The following GPHN variants were observed in gnomAD, a reference collection of about 807,000 sequenced individuals.
GPHN encodes the protein gephyrin.
A neutral mutation model predicts 95.5 loss-of-function variants in GPHN; 17 were observed. That is an observed-to-expected ratio of 0.18 (90% CI 0.12 to 0.27). The LOEUF (loss-of-function observed/expected upper bound fraction) is 0.27, where lower values mean the gene tolerates loss of function less well. Among genes scored for constraint, GPHN ranks in the 10% least tolerant of loss-of-function variants. The probability of loss-of-function intolerance (pLI) is 1.00; values close to 1 mark genes in which losing one functional copy is unlikely to be tolerated. For missense variants in GPHN, 660 were observed against 978.1 expected, an observed-to-expected ratio of 0.67 and a Z score of 4.34; for synonymous variants, 320 against 322.5, an observed-to-expected ratio of 0.99 and a Z score of 0.08.
At chr14:66,715,381 A>C (rs1208646459) in intron 2 of GPHN, among the ~76,000 whole-genome samples, 1 of 152,090 alleles carries the variant, frequency 6.6e-6, no homozygotes, top group East Asian at 1.9e-4. Flanking sequence ...TTTCTTGGTT[A>C]ATCTTGCTAA....
chr14:66,779,632 A>T (rs2059533704), intron 3 of GPHN, among the ~76,000 whole-genome samples: 1 of 152,118 alleles, frequency 6.6e-6, no homozygotes, highest in Admixed American at 6.6e-5. Context: ...GAAAAAGTAA[A>T]TCAGCAAAGT....
At chr14:66,668,367 CAT>C (rs1214858815) in intron 1 of GPHN, among the ~76,000 whole-genome samples, 1 of 152,090 alleles carries the variant, frequency 6.6e-6, no homozygotes, top group African/African-American at 2.4e-5. Flanking sequence ...CAATAGCAAA[CAT>C]ATGGAATCAA....
intron 2 of GPHN, among the ~76,000 whole-genome samples, chr14:66,686,680 A>G (rs936304164): frequency 4.6e-5 from 7 of 152,230 alleles, no homozygotes; most frequent in Non-Finnish European, 7.3e-5. Context: ...TAAATACACA[A>G]TCATGTCATG....
chr14:67,544,866 G>A, the GPHN span, among the ~76,000 whole-genome samples: 6 of 152,218 alleles, frequency 3.9e-5, no homozygotes, highest in African/African-American at 1.4e-4. Context: ...AGACCTGGAT[G>A]TTAGAATGAC....
chr14:67,406,051 G>C, the GPHN span, among the ~76,000 whole-genome samples: 1 of 152,134 alleles, frequency 6.6e-6, no homozygotes, highest in African/African-American at 2.4e-5. Context: ...TTAAAGTCAA[G>C]AGTTTGAGAC....
the GPHN span, among the ~76,000 whole-genome samples, chr14:67,622,012 G>T: frequency 1.3e-5 from 2 of 152,090 alleles, no homozygotes; most frequent in African/African-American, 2.4e-5. Flanking sequence ...CAGAAGAATT[G>T]CTTGAACCTG....
chr14:67,328,243 C>T, the GPHN span, among the ~76,000 whole-genome samples: 37 of 152,308 alleles, frequency 2.4e-4, no homozygotes, highest in South Asian at 6.2e-4. Flanking sequence ...TGATGATGAG[C>T]ATTTTTTCAT....
the GPHN span, chr14:67,374,529 A>T: frequency 6.2e-7 from 1 of 1,608,038 alleles, no homozygotes; most frequent in South Asian, 1.1e-5. Flanking sequence ...GTGAAGACAA[A>T]TTCACAAAAT....
chr14:67,070,147 A>G (rs2076224331), intron 11 of GPHN, among the ~76,000 whole-genome samples: 1 of 151,940 alleles, frequency 6.6e-6, no homozygotes, highest in African/African-American at 2.4e-5. Context: ...ACTTCATTAC[A>G]CTGCTAAAAT....
At chr14:66,625,713 G>A (rs986662849) in intron 1 of GPHN, among the ~76,000 whole-genome samples, 1 of 152,114 alleles carries the variant, frequency 6.6e-6, no homozygotes, top group Non-Finnish European at 1.5e-5. Flanking sequence ...TCACAGTGTG[G>A]TTTTTTAAAG....
chr14:66,744,174 A>G (rs1214419522), intron 2 of GPHN, among the ~76,000 whole-genome samples: 1 of 152,228 alleles, frequency 6.6e-6, no homozygotes, highest in Non-Finnish European at 1.5e-5. Context: ...CTTTAACTAA[A>G]GTAAGTTACT....
At chr14:66,588,607 C>T (rs565596384) in intron 1 of GPHN, among the ~76,000 whole-genome samples, 27 of 151,708 alleles carry the variant, frequency 1.8e-4, no homozygotes, top group African/African-American at 4.6e-4. Context: ...TATCAATAGG[C>T]GAATCGATCA....
chr14:67,597,065 T>C, the GPHN span, among the ~76,000 whole-genome samples: 3 of 152,228 alleles, frequency 2.0e-5, no homozygotes, highest in Non-Finnish European at 4.4e-5. Context: ...TCTGGTTTTG[T>C]CTGGCCCATC....
At chr14:67,343,086 C>T in the GPHN span, among the ~76,000 whole-genome samples, 1 of 152,310 alleles carries the variant, frequency 6.6e-6, no homozygotes, top group South Asian at 2.1e-4. Flanking sequence ...TATTCCTACC[C>T]TTAAATAACT....
the GPHN span, among the ~76,000 whole-genome samples, chr14:67,247,606 G>T: frequency 6.6e-6 from 1 of 151,778 alleles, no homozygotes; most frequent in South Asian, 2.1e-4. Flanking sequence ...TTAAGATAGG[G>T]TCTCACTCTA....
the GPHN span, among the ~76,000 whole-genome samples, chr14:67,277,826 A>G: frequency 6.6e-6 from 1 of 152,162 alleles, no homozygotes; most frequent in Non-Finnish European, 1.5e-5. Context: ...AATCCTATGA[A>G]TAAAGCTTCC....
At chr14:67,035,793 A>G (rs958236334) in intron 10 of GPHN, among the ~76,000 whole-genome samples, 2 of 151,912 alleles carry the variant, frequency 1.3e-5, no homozygotes, top group South Asian at 2.1e-4. Context: ...AAAACCCATG[A>G]CCAGATGGCT....
chr14:67,365,444 C>T, the GPHN span, among the ~76,000 whole-genome samples: 2 of 152,134 alleles, frequency 1.3e-5, no homozygotes, highest in African/African-American at 4.8e-5. Flanking sequence ...TTTATATAAG[C>T]TTTGAAAAAG....
chr14:66,698,008 A>T (rs2068229065), intron 2 of GPHN, among the ~76,000 whole-genome samples: 1 of 152,116 alleles, frequency 6.6e-6, no homozygotes, highest in East Asian at 1.9e-4. Context: ...TTTATAAATA[A>T]TATTTTCATC....
Sources: allele counts gnomAD v4.1 joint callset (sites outside exome capture counted in the v4.1 genomes callset), GRCh38; gene constraint gnomAD v4.1.1; transcripts MANE v1.5; gene names NCBI Gene and HGNC (gene_info 2026-07-23, HGNC 2026-07-21).